The following SNX8 variants were observed in gnomAD, a reference collection of about 807,000 sequenced individuals.
SNX8 encodes sorting nexin 8, also known as sorting nexin-8.
Under a neutral mutation model 51.6 loss-of-function variants are expected in SNX8, and 25 were observed. The ratio of observed to expected loss-of-function variants is 0.48; its 90% CI spans 0.35 to 0.68. The LOEUF is 0.68. Among genes scored for constraint, SNX8 ranks in the 30% least tolerant of loss-of-function variants. The pLI, the probability that SNX8 is intolerant of heterozygous loss-of-function variation, is 0.00. For synonymous variants in SNX8, 324 were observed against 277.0 expected (o/e 1.17, Z -1.68); for missense variants, 695 against 624.0 (o/e 1.11, Z -1.21).
chr7:2,297,364 A>T (rs183992882), intron 1 of SNX8, among the ~76,000 whole-genome samples: 72 of 151,784 alleles, frequency 4.7e-4, no homozygotes, highest in African/African-American at 1.6e-3. Context: ...CAGCCTGGCC[A>T]ACATGGTGAA....
chr7:2,271,535 CTT>C (rs1342726043), intron 4 of SNX8, among the ~76,000 whole-genome samples: 1 of 152,212 alleles, frequency 6.6e-6, no homozygotes, highest in Non-Finnish European at 1.5e-5. Flanking sequence ...TAAGTCAACA[CTT>C]CTTCCCATCT....
At chr7:2,335,466 T>C (rs114673467) in intron 1 of SNX8, among the ~76,000 whole-genome samples, 3,183 of 148,470 alleles carry the variant, frequency 0.021, 110 homozygotes, top group African/African-American at 0.073. Flanking sequence ...CTGGGCAACA[T>C]AGCCAGAGCC....
intron 1 of SNX8, among the ~76,000 whole-genome samples, chr7:2,295,448 T>C (rs1234570910): frequency 1.3e-5 from 2 of 150,336 alleles, no homozygotes; most frequent in African/African-American, 4.9e-5. Context: ...CACACACCTG[T>C]AATCTCAGCA....
chr7:2,269,642 G>A lies in SNX8; in HGVS notation c.541-3C>T, dbSNP rs777883927. 6.3e-7 allele frequency: 1 copy of A among 1,590,428 alleles called. No homozygotes were observed. The highest frequency in any genetic ancestry group is 8.6e-7 in the Non-Finnish European group (1 of 1,168,508). ...TCCTTTAACTTGTTCTGCACATCCT[G>A]CAAAAGGAAAACACACAGCTTCACC... On this transcript the variant is annotated splice_polypyrimidine_tract_variant and splice_region_variant and intron_variant, in intron 4 of 10. Transcript: ENST00000222990.
intron 1 of SNX8, among the ~76,000 whole-genome samples, chr7:2,286,145 G>A (rs921280549): frequency 5.9e-5 from 9 of 151,686 alleles, no homozygotes; most frequent in Non-Finnish European, 2.9e-5. Flanking sequence ...CAGAGCAGCT[G>A]GGATTACAGG....
chr7:2,317,198 T>G (rs1196151238), upstream of SNX8, among the ~76,000 whole-genome samples: 1 of 146,650 alleles, frequency 6.8e-6, no homozygotes, highest in Non-Finnish European at 1.5e-5. Context: ...GCATGGAGAT[T>G]GGTAGGCCTG....
intron 1 of SNX8, among the ~76,000 whole-genome samples, chr7:2,336,105 G>GAA (rs11430916): frequency 6.5e-4 from 89 of 137,070 alleles, no homozygotes; most frequent in Admixed American, 7.4e-4. Context: ...TCCATCTCGA[G>GAA]AAAAAAAAAA....
In SNX8 at chr7:2,257,424, C is replaced by T. The variant is rs770150508; in HGVS notation, c.1075G>A (p.Ala359Thr). The T allele has an allele frequency of 8.7e-6, 14 of 1,610,534 alleles. No homozygotes were observed. The highest frequency in any genetic ancestry group is 2.2e-5 in the South Asian group (2 of 90,864). ...YSLMKRQMMS[A>T]TAQNREPESV... The stretch of plus-strand genomic sequence containing the variant: ...TCCGGCTCGCGGTTCTGCGCGGTGG[C>T]GCTCATCATCTGCCTCTTCATCAGG... Residue 359 changes from alanine to threonine, a missense_variant, in exon 9 of 11, where the codon GCC (alanine) becomes ACC (threonine). Coordinates refer to ENST00000222990, the MANE Select transcript of SNX8 (RefSeq NM_013321.4).
At chr7:2,262,546 G>A (rs1335299239) in intron 7 of SNX8, among the ~76,000 whole-genome samples, 1 of 152,090 alleles carries the variant, frequency 6.6e-6, no homozygotes, top group Non-Finnish European at 1.5e-5. Context: ...TTATTATTCT[G>A]ATGAGTTAAG....
Position 2,263,725 on chromosome 7 carries a change from T to G in SNX8, c.783-363A>C, listed in dbSNP as rs185678794. Reference sequence around the variant, plus strand: ...TTCCCCAAGTCAAAGGGATCTTTTTTTTTTTTGAGACGGAGTCTCGCTGTA... The same window carrying G: ...TTCCCCAAGTCAAAGGGATCTTTTTGTTTTTTGAGACGGAGTCTCGCTGTA... On this transcript the variant is annotated intron_variant, in intron 6 of 10. Coordinates refer to ENST00000222990, the MANE Select transcript of SNX8 (RefSeq NM_013321.4). 4.3e-3 allele frequency among the ~76,000 whole-genome samples: 660 copies of G among 152,206 alleles called. 6 individuals carry two copies. The highest frequency in any genetic ancestry group is 0.016 in the African/African-American group (645 of 41,556).
In SNX8 at chr7:2,254,054, G is replaced by C. The variant is rs889025718; in HGVS notation, c.*1002C>G. ...CAGCCCCACAGAGCTCAGGAGAATG[G>C]CCTTCTTCATCCAGAGCAGGGAAGG... On this transcript the variant is annotated 3_prime_UTR_variant, in exon 11 of 11. Coordinates refer to ENST00000222990, the MANE Select transcript of SNX8 (RefSeq NM_013321.4). 1 of 152,416 alleles carries C rather than the reference G, an allele frequency of 6.6e-6. No homozygotes were observed. The highest frequency in any genetic ancestry group is 2.4e-5 in the African/African-American group (1 of 41,454). 9.4% of individuals were successfully genotyped at this position (152,416 alleles called of 1,614,324 possible).
chr7:2,276,635 T>C (rs1230575431), intron 2 of SNX8, among the ~76,000 whole-genome samples: 1 of 143,738 alleles, frequency 7.0e-6, no homozygotes, highest in Non-Finnish European at 1.5e-5. Context: ...AGTCTCCATT[T>C]GTACTTTAAA....
At chr7:2,297,550 CAAAAAAAAAAAAA>C (rs145543350) in intron 1 of SNX8, among the ~76,000 whole-genome samples, 5 of 40,254 alleles carry the variant, frequency 1.2e-4, no homozygotes, top group South Asian at 1.0e-3. Context: ...AACCCCGCCG[CAAAAAAAAAAAAA>C]AAAAAAAAAA....
At chr7:2,261,352 G>T (rs555910692) in intron 7 of SNX8, among the ~76,000 whole-genome samples, 2 of 152,340 alleles carry the variant, frequency 1.3e-5, no homozygotes, top group East Asian at 3.9e-4. Context: ...AGAATCGCTT[G>T]AACCCGGGAG....
At chr7:2,309,835 T>C (rs10479970) in intron 1 of SNX8, 154,480 of 469,926 alleles carry the variant, frequency 0.33, 28,758 homozygotes, top group African/African-American at 0.64. Flanking sequence ...CAGGTAAGGG[T>C]TGATGGGAGC....
intron 5 of SNX8, among the ~76,000 whole-genome samples, chr7:2,268,439 G>A (rs1342191599): frequency 1.4e-5 from 2 of 143,986 alleles, no homozygotes; most frequent in South Asian, 4.5e-4. Context: ...CACCCCATCC[G>A]GGAGGGAGGT....
Position 2,320,127 on chromosome 7 carries a change from A to T in SNX8, c.-66+34095T>A, listed in dbSNP as rs1796810238. Among the ~76,000 whole-genome samples, 2 of 152,144 alleles carry T rather than the reference A, an allele frequency of 1.3e-5. 1 individual carries two copies. Among genetic ancestry groups the T allele is most frequent in the South Asian group, 4.1e-4 (2 of 4,822 alleles). On this transcript the variant is annotated intron_variant, in intron 1 of 5. Coordinates refer to the SNX8 transcript ENST00000435336. ...TCCCAGCACTTTGGGAGCCTGAGGC[A>T]GGCGGATCACCTGAGATCGGGAGTT...
chr7:2,340,851 C>T lies in SNX8; in HGVS notation c.-66+13371G>A, dbSNP rs922859720. Reference sequence around the variant, plus strand: ...CAGCCTGGGTAACAGAGGGAGGCTGCTTCTCAAAAAAAAAAAAAAAAAAAA... The same window carrying T: ...CAGCCTGGGTAACAGAGGGAGGCTGTTTCTCAAAAAAAAAAAAAAAAAAAA... On this transcript the variant is annotated intron_variant, in intron 1 of 5. Transcript: ENST00000435336. 2.1e-4 allele frequency among the ~76,000 whole-genome samples: 17 copies of T among 82,064 alleles called. No homozygotes were observed. The East Asian group carries it at 4.9e-3, about 24-fold the overall frequency. The allele number at this position is 82,064 out of a possible 152,430, so 53.8% of individuals were successfully genotyped here. A position where few individuals can be genotyped will look rare whatever the true frequency, so the allele number is the denominator to read the frequency against.
chr7:2,319,546 T>C (rs1333222217), intron 1 of SNX8, among the ~76,000 whole-genome samples: 1 of 152,118 alleles, frequency 6.6e-6, no homozygotes, highest in Admixed American at 6.6e-5. Context: ...CCAGGCGCGG[T>C]GGCTCACGCC....
Sources: gnomAD v4.1 joint callset for allele counts (sites outside exome capture counted in the v4.1 genomes callset) on GRCh38, gnomAD v4.1.1 for gene constraint, MANE v1.5 for transcripts, NCBI Gene and HGNC (gene_info 2026-07-23, HGNC 2026-07-21) for gene names.